Variants in RBPMS2 observed in about 807,000 individuals in gnomAD.
The protein encoded by RBPMS2 is RNA-binding protein with multiple splicing 2.
A neutral mutation model predicts 25.7 loss-of-function variants in RBPMS2; 14 were observed. The observed-to-expected ratio is 0.55, with a 90% confidence interval of 0.36 to 0.85. RBPMS2 has a LOEUF of 0.85. Among genes scored for constraint, RBPMS2 ranks in the 40% least tolerant of loss-of-function variants. The pLI is 0.01. For missense variants in RBPMS2, 252 were observed against 283.4 expected (o/e 0.89, Z 0.80); for synonymous variants, 127 against 115.6 (o/e 1.10, Z -0.63).
intron 1 of RBPMS2, among the ~76,000 whole-genome samples, chr15:64,766,240 A>G (rs1482594572): frequency 6.6e-6 from 1 of 152,182 alleles, no homozygotes; most frequent in Non-Finnish European, 1.5e-5. Context: ...CTGACAGCCA[A>G]GGCAGATGCG....
chr15:64,758,705 T>C (rs2083755268), intron 1 of RBPMS2, among the ~76,000 whole-genome samples: 1 of 151,812 alleles, frequency 6.6e-6, no homozygotes, highest in Non-Finnish European at 1.5e-5. Context: ...TGCTCTTTTC[T>C]GAGGCAAGTC....
chr15:64,773,831 A>G (rs922916802), intron 1 of RBPMS2, among the ~76,000 whole-genome samples: 7 of 152,144 alleles, frequency 4.6e-5, no homozygotes, highest in Non-Finnish European at 8.8e-5. Context: ...GTCAAGGGAG[A>G]TTCTAACAGC....
chr15:64,758,572 G>A (rs1002730230), intron 1 of RBPMS2, among the ~76,000 whole-genome samples: 18 of 152,212 alleles, frequency 1.2e-4, no homozygotes, highest in African/African-American at 4.3e-4. Flanking sequence ...TGGCTCTCAT[G>A]ACCCCACAGG....
At chr15:64,762,537 C>T (rs1163883443) in intron 1 of RBPMS2, 1 of 534,240 alleles carries the variant, frequency 1.9e-6, no homozygotes, top group Non-Finnish European at 3.8e-6. Flanking sequence ...GAAAGAGACC[C>T]CACTGAGAAC....
intron 1 of RBPMS2, among the ~76,000 whole-genome samples, chr15:64,770,108 G>A (rs1359209476): frequency 6.6e-6 from 1 of 152,126 alleles, no homozygotes; most frequent in Non-Finnish European, 1.5e-5. Context: ...GAACCTGGGA[G>A]GCAGAGGTTG....
intron 3 of RBPMS2, among the ~76,000 whole-genome samples, chr15:64,749,754 A>G (rs1471223769): frequency 6.6e-6 from 1 of 151,774 alleles, no homozygotes; most frequent in Non-Finnish European, 1.5e-5. Flanking sequence ...GCTTAATTCC[A>G]CTGAATTAAA....
chr15:64,760,617 A>G (rs1280190613), intron 1 of RBPMS2, among the ~76,000 whole-genome samples: 1 of 151,962 alleles, frequency 6.6e-6, no homozygotes, highest in Non-Finnish European at 1.5e-5. Flanking sequence ...CCTGGCTAAC[A>G]TGGTGAAATC....
intron 1 of RBPMS2, among the ~76,000 whole-genome samples, chr15:64,768,507 G>T (rs967420802): frequency 6.6e-6 from 1 of 151,940 alleles, no homozygotes; most frequent in African/African-American, 2.4e-5. Flanking sequence ...GTGTGGTAGC[G>T]GGTGCCTGTA....
At chr15:64,759,820 G>A (rs1224909163) in intron 1 of RBPMS2, among the ~76,000 whole-genome samples, 13 of 152,088 alleles carry the variant, frequency 8.5e-5, no homozygotes, top group African/African-American at 1.2e-4. Flanking sequence ...CTACAGGAGC[G>A]CGCCACCATG....
chr15:64,756,391 T>C (rs530519261), intron 1 of RBPMS2, among the ~76,000 whole-genome samples: 2 of 152,092 alleles, frequency 1.3e-5, no homozygotes, highest in African/African-American at 4.8e-5. Context: ...GGCGCACACC[T>C]GTAGTCCCAG....
intron 1 of RBPMS2, among the ~76,000 whole-genome samples, chr15:64,774,732 A>AGCCG (rs146916271): frequency 0.099 from 14,531 of 147,094 alleles, 836 homozygotes; most frequent in African/African-American, 0.15. Flanking sequence ...GGAACCGAGG[A>AGCCG]GCCGGCCGGC....
At chr15:64,775,134 G>T in intron 1 of RBPMS2, 99 bp downstream of exon 1, 1 of 588,798 alleles carries the variant, frequency 1.7e-6, no homozygotes, top group Non-Finnish European at 2.4e-6. Flanking sequence ...GGGAGCGATG[G>T]CCACCCCGGC....
Position 64,775,268 on chromosome 15 carries a change from A to AGCCGGT in RBPMS2, c.46_51dup (p.Thr16_Gly17dup), listed in dbSNP as rs2083922503. 7.5e-7 allele frequency: 1 copy of AGCCGGT among 1,340,410 alleles called. No homozygotes were observed. 83.0% of individuals were successfully genotyped at this position (1,340,410 alleles called of 1,614,324 possible). A position where few individuals can be genotyped will look rare whatever the true frequency, so the allele number is the denominator to read the frequency against. ...AGGGCGCCGCCGGAGCCCGCGCCGG[A>AGCCGGT]GCCGGTGCCGGTGCTGCCGCCGTGC... On this transcript the variant is annotated inframe_insertion, in exon 1 of 8. Transcript: ENST00000300069.
chr15:64,751,157 AC>A (rs2083675217), intron 2 of RBPMS2, among the ~76,000 whole-genome samples: 2 of 151,918 alleles, frequency 1.3e-5, no homozygotes, highest in East Asian at 1.9e-4. Flanking sequence ...ACATGGTGAA[AC>A]CCCATCTCTA....
At chr15:64,741,951 A>G (rs2083566262) in intron 6 of RBPMS2, among the ~76,000 whole-genome samples, 4 of 152,200 alleles carry the variant, frequency 2.6e-5, no homozygotes, top group Admixed American at 2.6e-4. Flanking sequence ...GGACCACCTG[A>G]GGTTCAGAGT....
At chr15:64,752,829 C>CT (rs1217897274) in intron 1 of RBPMS2, among the ~76,000 whole-genome samples, 1 of 152,104 alleles carries the variant, frequency 6.6e-6, no homozygotes, top group East Asian at 1.9e-4. Context: ...TCACGCTGGT[C>CT]TCGAACTCCT....
intron 1 of RBPMS2, among the ~76,000 whole-genome samples, chr15:64,774,592 G>C (rs1196845833): frequency 6.7e-6 from 1 of 149,994 alleles, no homozygotes; most frequent in South Asian, 2.1e-4. Context: ...CAAACCCAGA[G>C]AGAGGAGAAG....
intron 6 of RBPMS2, among the ~76,000 whole-genome samples, chr15:64,742,266 T>C (rs993763583): frequency 6.6e-6 from 1 of 152,206 alleles, no homozygotes; most frequent in Non-Finnish European, 1.5e-5. Flanking sequence ...TGAGAAGCCA[T>C]GGATGAGACC....
At chr15:64,744,865 A>T (rs1439637580) in intron 6 of RBPMS2, among the ~76,000 whole-genome samples, 1 of 111,504 alleles carries the variant, frequency 9.0e-6, no homozygotes, top group Non-Finnish European at 1.6e-5. Context: ...CCCAGGCTAG[A>T]GTGCAGTGGC....
Sources: gnomAD v4.1 joint callset for allele counts (sites outside exome capture counted in the v4.1 genomes callset) on GRCh38, gnomAD v4.1.1 for gene constraint, MANE v1.5 for transcripts, NCBI Gene and HGNC (gene_info 2026-07-23, HGNC 2026-07-21) for gene names.